Variants in EFNA5 observed in about 807,000 individuals in gnomAD.
The protein encoded by EFNA5 is ephrin-A5.
In EFNA5, 5 loss-of-function variants were observed where a neutral mutation model predicts 22.9. The observed-to-expected ratio is 0.22, with a 90% CI of 0.11 to 0.46. The LOEUF (loss-of-function observed/expected upper bound fraction) is 0.46, where lower values mean the gene tolerates loss of function less well. EFNA5 is among the 20% of genes least tolerant of loss of function. The pLI, the probability that EFNA5 is intolerant of heterozygous loss-of-function variation, is 0.99. For synonymous variants in EFNA5, 113 were observed against 112.2 expected (o/e 1.01, Z -0.04); for missense variants, 237 against 293.3 (o/e 0.81, Z 1.40).
chr5:107,496,410 G>A (rs898172534), intron 1 of EFNA5, among the ~76,000 whole-genome samples: 1 of 150,186 alleles, frequency 6.7e-6, no homozygotes, highest in Non-Finnish European at 1.5e-5. Context: ...CAAGATCAGA[G>A]AGTCTCGTTC....
chr5:107,599,226 G>A (rs1374043991), intron 1 of EFNA5, among the ~76,000 whole-genome samples: 2 of 152,132 alleles, frequency 1.3e-5, no homozygotes, highest in African/African-American at 4.8e-5. Context: ...TCCATCACTA[G>A]GGAGCTCCTA....
intron 1 of EFNA5, among the ~76,000 whole-genome samples, chr5:107,643,663 A>G (rs1238849213): frequency 6.6e-6 from 1 of 151,564 alleles, no homozygotes; most frequent in African/African-American, 2.4e-5. Flanking sequence ...CCATTTATGA[A>G]GTAAGCTTGA....
At position 107,441,803 on chromosome 5, in the gene EFNA5, C is replaced by T. The variant is rs577308363; in HGVS notation, c.126-14294G>A. 2.6e-5 allele frequency among the ~76,000 whole-genome samples: 4 copies of T among 152,100 alleles called. No homozygotes were observed. In the South Asian group the frequency reaches 8.3e-4, roughly 32 times the overall value. ...AAGTATATGGAAACAGGAAATACTG[C>T]ATTTCTTTGACAATTAGGACATTTA... On this transcript the variant is annotated intron_variant, in intron 1 of 4. Coordinates refer to ENST00000333274, the MANE Select transcript of EFNA5 (RefSeq NM_001962.3).
rs1749791965 is a variant in EFNA5 at position 107,609,777 on chromosome 5, A to T, written c.125+60712T>A. The stretch of plus-strand genomic sequence containing the variant: ...ACACAGTCCTTGTGCCTTCCACCTT[A>T]GCCCTCCTCCAGCCACCGTGCCCCT... On this transcript the variant is annotated intron_variant, in intron 1 of 4. Coordinates refer to ENST00000333274, the MANE Select transcript of EFNA5 (RefSeq NM_001962.3). Among the ~76,000 whole-genome samples, 3 of 152,162 alleles carry T rather than the reference A, an allele frequency of 2.0e-5. No individual in the cohort carries two copies. The South Asian group carries it at 6.2e-4, about 32-fold the overall frequency.
chr5:107,613,308 G>A lies in EFNA5; in HGVS notation c.125+57181C>T, dbSNP rs575231845. Among the ~76,000 whole-genome samples the A allele has an allele frequency of 9.2e-5, 14 of 152,152 alleles. 1 individual carries two copies. In the South Asian group the frequency reaches 2.7e-3, roughly 29 times the overall value. On this transcript the variant is annotated intron_variant, in intron 1 of 4. Transcript: ENST00000333274. ...GAGGGTATTTTTTAATATCATCTAA[G>A]TTGCTTTTTTCATGCCTATGGGGTT...
At chr5:107,408,305 G>T (rs1180365817) in intron 2 of EFNA5, among the ~76,000 whole-genome samples, 1 of 152,020 alleles carries the variant, frequency 6.6e-6, no homozygotes, top group Non-Finnish European at 1.5e-5. Flanking sequence ...TCAAAGAAAT[G>T]TTCTTTACAC....
chr5:107,637,858 T>C (rs1750414706), intron 1 of EFNA5, among the ~76,000 whole-genome samples: 1 of 151,194 alleles, frequency 6.6e-6, no homozygotes, highest in Non-Finnish European at 1.5e-5. Flanking sequence ...TATTTATTTA[T>C]TTATTTTTGA....
chr5:107,513,959 T>C (rs1335744916), intron 1 of EFNA5, among the ~76,000 whole-genome samples: 3 of 152,170 alleles, frequency 2.0e-5, no homozygotes, highest in Non-Finnish European at 4.4e-5. Context: ...GGTGCTGGAA[T>C]CTGTTTCCTG....
chr5:107,591,405 C>G (rs1749321704), intron 1 of EFNA5, among the ~76,000 whole-genome samples: 1 of 152,120 alleles, frequency 6.6e-6, no homozygotes, highest in Admixed American at 6.5e-5. Flanking sequence ...ACAGTCCCCA[C>G]CTCTCCCTAT....
At chr5:107,577,888 G>A (rs597083) in intron 1 of EFNA5, among the ~76,000 whole-genome samples, 36,607 of 152,060 alleles carry the variant, frequency 0.24, 5,098 homozygotes, top group Non-Finnish European at 0.32. Context: ...TTTTTGGAGC[G>A]CGGGGGTTCA....
chr5:107,541,497 CAT>C (rs1748047937), intron 1 of EFNA5, among the ~76,000 whole-genome samples: 2 of 152,054 alleles, frequency 1.3e-5, no homozygotes, highest in East Asian at 3.9e-4. Context: ...GAAGAAATAA[CAT>C]AAAATAAATT....
intron 1 of EFNA5, among the ~76,000 whole-genome samples, chr5:107,637,718 TATATA>T (rs1375400634): frequency 6.7e-6 from 1 of 148,582 alleles, no homozygotes; most frequent in Admixed American, 6.7e-5. Context: ...CTACAGATTA[TATATA>T]ATATATAATT....
chr5:107,401,637 T>C (rs1199384510), intron 2 of EFNA5, among the ~76,000 whole-genome samples: 1 of 152,166 alleles, frequency 6.6e-6, no homozygotes, highest in Non-Finnish European at 1.5e-5. Context: ...ATTTTGAACT[T>C]TCCAACCACA....
rs191186425 is a variant in EFNA5, at chr5:107,637,800, C to T, written c.125+32689G>A. Among the ~76,000 whole-genome samples the T allele has an allele frequency of 2.5e-3, 366 of 148,640 alleles. 1 individual carries two copies. The highest frequency in any genetic ancestry group is 8.6e-3 in the African/African-American group (351 of 40,792). The stretch of plus-strand genomic sequence containing the variant: ...TATAATCAGTTTAAATTCAAAAGCC[C>T]CTACAGAGAAAACAAAAAACTAAGC... On this transcript the variant is annotated intron_variant, in intron 1 of 4. Coordinates refer to ENST00000333274, the MANE Select transcript of EFNA5 (RefSeq NM_001962.3).
chr5:107,572,336 C>T (rs893473176), intron 1 of EFNA5, among the ~76,000 whole-genome samples: 4 of 152,124 alleles, frequency 2.6e-5, no homozygotes, highest in African/African-American at 9.7e-5. Context: ...CAAAGGGTGC[C>T]GTCACAGCAG....
intron 1 of EFNA5, among the ~76,000 whole-genome samples, chr5:107,532,649 A>G (rs775126508): frequency 5.3e-5 from 8 of 152,206 alleles, no homozygotes; most frequent in Non-Finnish European, 7.3e-5. Flanking sequence ...CTCTACCACA[A>G]TTGGACATGT....
rs562792843 is a variant in EFNA5 at position 107,569,363 on chromosome 5, ACG to A, written c.125+101124_125+101125del. ...TGCAGACTACCCTTAAAATATATAT[ACG>A]TGTATATATATATATATTTTTATGT... On this transcript the variant is annotated intron_variant, in intron 1 of 4. Coordinates refer to ENST00000333274, the MANE Select transcript of EFNA5 (RefSeq NM_001962.3). Among the ~76,000 whole-genome samples the A allele has an allele frequency of 2.7e-3, 356 of 131,418 alleles. 4 individuals carry two copies. The highest frequency in any genetic ancestry group is 0.011 in the African/African-American group (316 of 27,502). 86.2% of individuals were successfully genotyped at this position (131,418 alleles called of 152,430 possible). A position where few individuals can be genotyped will look rare whatever the true frequency, so the allele number is the denominator to read the frequency against.
chr5:107,511,000 C>G (rs1218951547), intron 1 of EFNA5, among the ~76,000 whole-genome samples: 22 of 99,230 alleles, frequency 2.2e-4, no homozygotes, highest in African/African-American at 9.7e-4. Flanking sequence ...CTTTCTTTTT[C>G]TTTGTGTGTG....
chr5:107,663,316 G>A (rs1441676598), intron 1 of EFNA5, among the ~76,000 whole-genome samples: 1 of 152,092 alleles, frequency 6.6e-6, no homozygotes, highest in Non-Finnish European at 1.5e-5. Flanking sequence ...TAATCTCTAA[G>A]TAGGTATTCA....
Sources: allele counts gnomAD v4.1 joint callset (sites outside exome capture counted in the v4.1 genomes callset), GRCh38; gene constraint gnomAD v4.1.1; transcripts MANE v1.5; gene names NCBI Gene and HGNC (gene_info 2026-07-23, HGNC 2026-07-21).